Variants in AGL observed in about 807,000 individuals in gnomAD.
The protein encoded by AGL is amylo-alpha-1,6-glucosidase and 4-alpha-glucanotransferase.
In AGL, 128 loss-of-function variants were observed where a neutral mutation model predicts 199.3. The observed-to-expected ratio is 0.64, with a 90% CI of 0.56 to 0.74. AGL has a LOEUF of 0.74. AGL is among the 30% of genes least tolerant of loss of function. The pLI is 0.00. For synonymous variants in AGL, 584 were observed against 594.7 expected (o/e 0.98, Z 0.26); for missense variants, 1,809 against 1,820.8 (o/e 0.99, Z 0.12).
At chr1:99,880,587 A>G in intron 13 of AGL, 45 bp from the exon 14 acceptor site, 2 of 1,589,192 alleles carry the variant, frequency 1.3e-6, no homozygotes, top group Non-Finnish European at 1.7e-6. Context: ...CTCTTCCTGG[A>G]CATAAATAAT....
At chr1:99,879,816 T>C in intron 12 of AGL, 107 bp from the exon 13 acceptor site, 2 of 875,678 alleles carry the variant, frequency 2.3e-6, no homozygotes, top group Non-Finnish European at 3.8e-6. Context: ...TTGCTGCATA[T>C]TTTTCTATGT....
chr1:99,892,045 A>G (rs1652940043), intron 23 of AGL, among the ~76,000 whole-genome samples: 1 of 152,088 alleles, frequency 6.6e-6, no homozygotes, highest in African/African-American at 2.4e-5. Context: ...TACATGTACA[A>G]TTTTTCTAAT....
chr1:99,857,518 C>T (rs2101072193), intron 2 of AGL, among the ~76,000 whole-genome samples: 1 of 152,078 alleles, frequency 6.6e-6, no homozygotes, highest in African/African-American at 2.4e-5. Flanking sequence ...CCAGCCTGGG[C>T]AACATTGAGC....
In AGL at chr1:99,896,022, A is replaced by G. The variant is rs151199832; in HGVS notation, c.3260-264A>G. ...GTGTATTCACACCTCAATTTAGATA[A>G]GTATCTCTCTATAGCTCTGGTTCTT... On this transcript the variant is annotated intron_variant, in intron 24 of 33. Transcript: ENST00000361915. 6.2e-3 allele frequency among the ~76,000 whole-genome samples: 938 copies of G among 152,318 alleles called. 13 individuals carry two copies. Among genetic ancestry groups the G allele is most frequent in the African/African-American group, 0.022 (911 of 41,574 alleles).
intron 2 of AGL, among the ~76,000 whole-genome samples, chr1:99,859,237 G>A (rs1423387874): frequency 6.6e-6 from 1 of 151,960 alleles, no homozygotes; most frequent in Admixed American, 6.6e-5. Flanking sequence ...TTTACTTCAT[G>A]TTTTAATTCT....
At chr1:99,918,117 AC>A (rs2100883932) in intron 33 of AGL, among the ~76,000 whole-genome samples, 1 of 152,264 alleles carries the variant, frequency 6.6e-6, no homozygotes, top group African/African-American at 2.4e-5. Flanking sequence ...TAAGTGTAAA[AC>A]ATCTGTGTTT....
chr1:99,897,311 T>G (rs1331794176), intron 25 of AGL, among the ~76,000 whole-genome samples: 1 of 151,638 alleles, frequency 6.6e-6, no homozygotes, highest in African/African-American at 2.4e-5. Context: ...ATAGAGAGAG[T>G]AGGGTTGGTG....
In AGL at chr1:99,900,897, T is replaced by G. The variant is rs548255; in HGVS notation, c.3588+36T>G. The G allele has an allele frequency of 0.014, 21,407 of 1,519,308 alleles. 276 individuals carry two copies. Among genetic ancestry groups the G allele is most frequent in the Middle Eastern group, 0.048 (279 of 5,848 alleles). 94.1% of individuals were successfully genotyped at this position (1,519,308 alleles called of 1,614,324 possible). Reference sequence around the variant, plus strand: ...TTCTTAAAATGTTTTTTTGTTTTTTTTTTTTTTTCTGAAAAATGACTTTTA... The same window carrying G: ...TTCTTAAAATGTTTTTTTGTTTTTTGTTTTTTTTCTGAAAAATGACTTTTA... On this transcript the variant is annotated intron_variant, in intron 26 of 33. Coordinates refer to ENST00000361915, the MANE Select transcript of AGL (RefSeq NM_000642.3).
intron 25 of AGL, among the ~76,000 whole-genome samples, chr1:99,899,842 G>A (rs570815623): frequency 8.0e-4 from 121 of 151,316 alleles, no homozygotes; most frequent in East Asian, 4.3e-3. Flanking sequence ...GGATGGTCTC[G>A]ATCTCCTGAC....
In AGL at chr1:99,864,531, A is replaced by G; in HGVS notation, c.606A>G (p.Glu202=). 6.2e-7 allele frequency: 1 copy of G among 1,613,998 alleles called. No homozygotes were observed. The highest frequency in any genetic ancestry group is 8.5e-7 in the Non-Finnish European group (1 of 1,179,924). ...GGAATGATGTTGGACAGCTAGTGGAAAAATTAAAAAAGGAATGGAATGTTA... is the reference window on the plus strand; with the variant it reads ...GGAATGATGTTGGACAGCTAGTGGAGAAATTAAAAAAGGAATGGAATGTTA... The part of the protein sequence containing the change: ...YTWNDVGQLV[E]KLKKEWNVIC... The change falls in exon 5 of 34, where the codon GAA becomes GAG. Residue 202 remains glutamate (E), a synonymous_variant. Coordinates refer to ENST00000361915, the MANE Select transcript of AGL (RefSeq NM_000642.3).
Position 99,907,033 on chromosome 1 carries a change from TC to T in AGL, c.3701-3678del, listed in dbSNP as rs546933092. On this transcript the variant is annotated intron_variant, in intron 27 of 33. Transcript: ENST00000361915. ...TTTGCTAACACCTGGTATTTTCTGT[TC>T]TTTTGATAGTTACCATCCTAATGGG... Among the ~76,000 whole-genome samples, 3 of 152,312 alleles carry T rather than the reference TC, an allele frequency of 2.0e-5. No homozygotes were observed. In the South Asian group the frequency reaches 6.2e-4, roughly 32 times the overall value.
intron 25 of AGL, among the ~76,000 whole-genome samples, chr1:99,898,178 CT>C (rs1422849387): frequency 6.6e-6 from 1 of 151,920 alleles, no homozygotes; most frequent in Non-Finnish European, 1.5e-5. Flanking sequence ...TCCTGAGTAG[CT>C]GGGACTACAG....
At chr1:99,862,754 C>T (rs1650161978) in intron 4 of AGL, among the ~76,000 whole-genome samples, 1 of 152,148 alleles carries the variant, frequency 6.6e-6, no homozygotes, top group Non-Finnish European at 1.5e-5. Flanking sequence ...AACTCACTCA[C>T]TATCATGAGA....
chr1:99,912,044 G>A (rs1331129292), intron 28 of AGL, among the ~76,000 whole-genome samples: 1 of 152,014 alleles, frequency 6.6e-6, no homozygotes, highest in Non-Finnish European at 1.5e-5. Context: ...TCAAATTAAT[G>A]TGTCTGCCTT....
chr1:99,923,160 G>C lies in AGL; in HGVS notation c.*1509G>C, dbSNP rs1423768886. ...ATTAAATCCTACAAATTTAAGGACA[G>C]TTGTGACAGTAATCTGACCACTATC... On this transcript the variant is annotated 3_prime_UTR_variant, in exon 34 of 34. Transcript: ENST00000361915. The C allele has an allele frequency of 6.6e-6, 1 of 152,100 alleles. No homozygotes were observed. Among genetic ancestry groups the C allele is most frequent in the Non-Finnish European group, 1.5e-5 (1 of 67,952 alleles). The allele number at this position is 152,100 out of a possible 1,614,324, so 9.4% of individuals were successfully genotyped here.
At chr1:99,864,227 C>T (rs961370658) in intron 4 of AGL, among the ~76,000 whole-genome samples, 159 bp from the exon 5 acceptor site, 3 of 152,190 alleles carry the variant, frequency 2.0e-5, no homozygotes, top group African/African-American at 7.2e-5. Context: ...TCTTGTGGTA[C>T]AGTTAGGATT....
intron 13 of AGL, 83 bp from the exon 14 acceptor site, chr1:99,880,549 G>A: frequency 6.9e-7 from 1 of 1,452,728 alleles, no homozygotes; most frequent in South Asian, 1.2e-5. Flanking sequence ...TCTTTATTTT[G>A]AAAATCATTT....
chr1:99,851,951 TTCC>T (rs1026250504), intron 2 of AGL, among the ~76,000 whole-genome samples: 21 of 152,200 alleles, frequency 1.4e-4, no homozygotes, highest in African/African-American at 4.6e-4. Flanking sequence ...CCGCGCCTTT[TTCC>T]AACTTTGGCA....
chr1:99,921,430 A>C (rs574705668), intron 33 of AGL, 104 bp from the exon 34 acceptor site: 24 of 787,178 alleles, frequency 3.0e-5, no homozygotes, highest in Non-Finnish European at 4.6e-5. Flanking sequence ...AAATGACTAC[A>C]TATGATTATT....
Sources: allele counts gnomAD v4.1 joint callset (sites outside exome capture counted in the v4.1 genomes callset), GRCh38; gene constraint gnomAD v4.1.1; transcripts MANE v1.5; gene names NCBI Gene and HGNC (gene_info 2026-07-23, HGNC 2026-07-21).